NGF: variants seen among roughly 807,000 people sequenced by gnomAD.
The protein encoded by NGF is nerve growth factor.
In NGF, 4 loss-of-function variants were observed where a neutral mutation model predicts 12.8. The ratio of observed to expected loss-of-function variants is 0.31; its 90% CI spans 0.15 to 0.72. The LOEUF is 0.72. NGF is among the 30% of genes least tolerant of loss of function. NGF has a pLI of 0.69. For missense variants in NGF, 283 were observed against 330.8 expected (o/e 0.86, Z 1.12); for synonymous variants, 140 against 130.0 (o/e 1.08, Z -0.52).
At chr1:115,333,530 C>T (rs1003523211) in intron 1 of NGF, among the ~76,000 whole-genome samples, 5 of 147,334 alleles carry the variant, frequency 3.4e-5, no homozygotes, top group East Asian at 2.0e-4. Flanking sequence ...AAAGACTTCC[C>T]GCACGTGAAT....
chr1:115,332,579 G>C (rs1654951419), intron 1 of NGF, among the ~76,000 whole-genome samples: 1 of 152,230 alleles, frequency 6.6e-6, no homozygotes, highest in Non-Finnish European at 1.5e-5. Context: ...GAGAACGTGA[G>C]GGGAGGAAGC....
chr1:115,337,561 G>A (rs1337066335), intron 1 of NGF, among the ~76,000 whole-genome samples: 2 of 152,090 alleles, frequency 1.3e-5, no homozygotes, highest in Non-Finnish European at 2.9e-5. Flanking sequence ...GCTCCGTGGA[G>A]GGCCCCGGTA....
chr1:115,330,693 C>T (rs920845983), intron 1 of NGF, among the ~76,000 whole-genome samples: 1 of 150,158 alleles, frequency 6.7e-6, no homozygotes, highest in African/African-American at 2.4e-5. Context: ...GGTGGCTCAG[C>T]TCGAGTCAGC....
chr1:115,330,766 T>C (rs1213828903), intron 1 of NGF, among the ~76,000 whole-genome samples: 1 of 152,202 alleles, frequency 6.6e-6, no homozygotes, highest in African/African-American at 2.4e-5. Flanking sequence ...TGAGAAAACA[T>C]GTTCCTGTGA....
chr1:115,286,798 C>G lies in NGF; in HGVS notation c.-3G>C. 2 of 1,614,084 alleles carry G rather than the reference C, an allele frequency of 1.2e-6. No individual in the cohort carries two copies. The highest frequency in any genetic ancestry group is 1.7e-6 in the Non-Finnish European group (2 of 1,180,026). ...AGAGTGTAGAACAACATGGACATTA[C>G]GCTATGCACCTGGAATGAAAAAGAA... On this transcript the variant is annotated 5_prime_UTR_variant, in exon 3 of 3. Transcript: ENST00000369512.
intron 1 of NGF, among the ~76,000 whole-genome samples, chr1:115,326,020 G>T (rs1654762128): frequency 6.6e-6 from 1 of 152,094 alleles, no homozygotes; most frequent in Admixed American, 6.6e-5. Flanking sequence ...GGGCCCAGGG[G>T]AGAGATCCAG....
chr1:115,327,566 C>T (rs1194147240), intron 1 of NGF, among the ~76,000 whole-genome samples: 3 of 152,182 alleles, frequency 2.0e-5, no homozygotes, highest in Non-Finnish European at 4.4e-5. Flanking sequence ...AAAGGTAATT[C>T]GTTTCATGCG....
chr1:115,290,170 G>A (rs879733252), intron 2 of NGF, among the ~76,000 whole-genome samples: 3 of 151,978 alleles, frequency 2.0e-5, no homozygotes, highest in Admixed American at 6.6e-5. Context: ...TTTGCATTCC[G>A]AGTGCACAAA....
chr1:115,325,455 C>A (rs912632714), intron 1 of NGF, among the ~76,000 whole-genome samples: 4 of 152,074 alleles, frequency 2.6e-5, no homozygotes, highest in African/African-American at 9.7e-5. Context: ...ACCCCTGAAG[C>A]CTCCACCACC....
chr1:115,333,760 C>CT (rs146577215), intron 1 of NGF, among the ~76,000 whole-genome samples: 14 of 131,642 alleles, frequency 1.1e-4, no homozygotes, highest in South Asian at 2.5e-4. Flanking sequence ...CTCCCTCCCC[C>CT]CTCTCTCTCT....
chr1:115,291,690 C>T (rs1018998706), intron 2 of NGF, among the ~76,000 whole-genome samples: 8 of 152,206 alleles, frequency 5.3e-5, no homozygotes, highest in Non-Finnish European at 1.2e-4. Flanking sequence ...CAATGGTTCA[C>T]ACACTCCAAT....
At chr1:115,319,223 T>G (rs1163205419) in intron 1 of NGF, among the ~76,000 whole-genome samples, 1 of 152,226 alleles carries the variant, frequency 6.6e-6, no homozygotes, top group Non-Finnish European at 1.5e-5. Context: ...GTTTCTTTTC[T>G]TAACCAGACC....
Position 115,286,064 on chromosome 1 carries a change from G to C in NGF, c.*6C>G, listed in dbSNP as rs542460046. ...AAGGGGCAGGGGGAGGGAGCGTGTC[G>C]GCAGGTCAGGCTCTTCTCACAGCCT... On this transcript the variant is annotated 3_prime_UTR_variant, in exon 3 of 3. Coordinates refer to ENST00000369512, the MANE Select transcript of NGF (RefSeq NM_002506.3). The C allele has an allele frequency of 9.9e-6, 16 of 1,612,486 alleles. No individual in the cohort carries two copies. The African/African-American group carries it at 1.3e-4, about 13-fold the overall frequency.
chr1:115,304,188 G>T (rs909700107), intron 1 of NGF, among the ~76,000 whole-genome samples: 1 of 151,324 alleles, frequency 6.6e-6, no homozygotes, highest in Admixed American at 6.6e-5. Context: ...TTTTTTTTTC[G>T]AGATGTAGTT....
intron 1 of NGF, among the ~76,000 whole-genome samples, chr1:115,308,774 A>G (rs1654266519): frequency 1.3e-5 from 2 of 152,234 alleles, no homozygotes; most frequent in Admixed American, 1.3e-4. Flanking sequence ...TGAGAGAAAG[A>G]AAGAGTGAAA....
chr1:115,316,490 T>C (rs1430348221), intron 1 of NGF, among the ~76,000 whole-genome samples: 3 of 152,244 alleles, frequency 2.0e-5, no homozygotes, highest in Non-Finnish European at 4.4e-5. Flanking sequence ...CTACAATTTC[T>C]TATATATCTT....
At chr1:115,323,397 T>A (rs1654681824) in intron 1 of NGF, among the ~76,000 whole-genome samples, 1 of 151,512 alleles carries the variant, frequency 6.6e-6, no homozygotes, top group Non-Finnish European at 1.5e-5. Flanking sequence ...GGCAGATGGG[T>A]TTTGTGAATG....
chr1:115,323,844 C>G (rs1314107294), intron 1 of NGF, among the ~76,000 whole-genome samples: 1 of 152,158 alleles, frequency 6.6e-6, no homozygotes, highest in East Asian at 1.9e-4. Context: ...GAGTAAGTGT[C>G]CTGAGGTGGC....
rs1258866875 is a variant in NGF at position 115,286,672 on chromosome 1, G to C, written c.124C>G (p.His42Asp). ...IPQAHWTKLQ[H>D]SLDTALRRAR... is the part of the protein sequence containing the mutation. ...CTGCGAAGGGCAGTGTCAAGGGAATGCTGAAGTTTAGTCCAGTGGGCTTGG... is the reference window on the plus strand; with the variant it reads ...CTGCGAAGGGCAGTGTCAAGGGAATCCTGAAGTTTAGTCCAGTGGGCTTGG... Residue 42 changes from histidine (H) to aspartate (D), a missense_variant, in exon 3 of 3, where the codon CAT becomes GAT. By Grantham distance (81) the His-to-Asp change is moderately conservative. Coordinates refer to ENST00000369512, the MANE Select transcript of NGF (RefSeq NM_002506.3). 6.2e-7 allele frequency: 1 copy of C among 1,614,248 alleles called. No individual in the cohort carries two copies. Among genetic ancestry groups the C allele is most frequent in the Admixed American group, 1.7e-5 (1 of 60,034 alleles).
Sources: allele counts gnomAD v4.1 joint callset (sites outside exome capture counted in the v4.1 genomes callset), GRCh38; gene constraint gnomAD v4.1.1; transcripts MANE v1.5; gene names NCBI Gene and HGNC (gene_info 2026-07-23, HGNC 2026-07-21).